Variants in TRAPPC9 observed in about 807,000 individuals in gnomAD.
The protein encoded by TRAPPC9 is IKK2 binding protein.
A neutral mutation model predicts 124.0 loss-of-function variants in TRAPPC9; 83 were observed. The observed-to-expected ratio is 0.67, with a 90% confidence interval of 0.56 to 0.80. The LOEUF is 0.80. Ranked by LOEUF, TRAPPC9 falls within the 30% of genes least tolerant of loss-of-function variation. The probability of loss-of-function intolerance (pLI) is 0.00; values close to 1 mark genes in which losing one functional copy is unlikely to be tolerated. For synonymous variants in TRAPPC9, 638 were observed against 617.5 expected, an observed-to-expected ratio of 1.03 and a Z score of -0.49; for missense variants, 1,302 against 1,508.3, an observed-to-expected ratio of 0.86 and a Z score of 2.27.
At chr8:140,098,677 G>C (rs2060505410) in intron 17 of TRAPPC9, 1 of 148,990 alleles carries the variant, frequency 6.7e-6, no homozygotes, top group Non-Finnish European at 1.5e-5. Flanking sequence ...ACAAAGTAAC[G>C]ACGCCTCCTC....
rs149299580 is a variant in TRAPPC9, at chr8:140,364,630, G to A, written c.1352-4437C>T. ...CGGAGTCTCGCTGTCACCCAGGCTC[G>A]AGTGCAGTGGTGCATTCTCGGCTCA... is the stretch of plus-strand genomic sequence containing the variant. On this transcript the variant is annotated intron_variant, in intron 8 of 22. Transcript: ENST00000438773. 3.6e-3 allele frequency among the ~76,000 whole-genome samples: 546 copies of A among 151,940 alleles called. 5 individuals are homozygous for A. Among genetic ancestry groups the A allele is most frequent in the African/African-American group, 0.012 (514 of 41,434 alleles).
intron 17 of TRAPPC9, among the ~76,000 whole-genome samples, chr8:140,168,212 A>G (rs996532869): frequency 2.0e-5 from 3 of 152,236 alleles, no homozygotes; most frequent in African/African-American, 7.2e-5. Flanking sequence ...ATCATTTCAA[A>G]GTGATCAGGA....
rs145043820 is a variant in TRAPPC9 at position 139,840,822 on chromosome 8, G to A, written c.3055+45057C>T. On this transcript the variant is annotated intron_variant, in intron 21 of 22. Coordinates refer to ENST00000438773, the MANE Select transcript of TRAPPC9 (RefSeq NM_001160372.4). ...ACCAAGGCCTGGCTGCCTCTGGTAGGCTTGTCCTTCCCTTGTGCCCATGAA... is the reference window on the plus strand; with the variant it reads ...ACCAAGGCCTGGCTGCCTCTGGTAGACTTGTCCTTCCCTTGTGCCCATGAA... Among the ~76,000 whole-genome samples, 25 of 152,316 alleles carry A rather than the reference G, an allele frequency of 1.6e-4. No individual in the cohort carries two copies. In the East Asian group the frequency reaches 3.3e-3, roughly 20 times the overall value.
intron 19 of TRAPPC9, among the ~76,000 whole-genome samples, chr8:139,947,909 G>T (rs1250188064): frequency 0.23 from 10,186 of 44,404 alleles, 1,335 homozygotes; most frequent in Admixed American, 0.35. Context: ...TATATATATA[G>T]AGAGAGAGAG....
At chr8:140,265,439 A>G (rs1427331904) in intron 15 of TRAPPC9, among the ~76,000 whole-genome samples, 1 of 152,210 alleles carries the variant, frequency 6.6e-6, no homozygotes, top group Non-Finnish European at 1.5e-5. Context: ...GGAAATTCAC[A>G]GTGCAGAGAT....
In TRAPPC9 at chr8:139,728,885, TAA is replaced by T. The variant is rs1554631228; in HGVS notation, c.*2174_*2175del. The stretch of plus-strand genomic sequence containing the variant: ...GGGTATTTTTTGCAGTTTGGGAAAC[TAA>T]AAAATATAGAAAACTGCAAGAAATA... On this transcript the variant is annotated 3_prime_UTR_variant, in exon 23 of 23. Transcript: ENST00000438773. Among the ~76,000 whole-genome samples, 2 of 152,200 alleles carry T rather than the reference TAA, an allele frequency of 1.3e-5. No homozygotes were observed. Among genetic ancestry groups the T allele is most frequent in the Non-Finnish European group, 2.9e-5 (2 of 68,030 alleles).
chr8:140,285,595 C>T (rs577605600), intron 13 of TRAPPC9, among the ~76,000 whole-genome samples: 2 of 152,304 alleles, frequency 1.3e-5, no homozygotes, highest in South Asian at 4.1e-4. Flanking sequence ...TCATCTCTGC[C>T]ACCCTGGCCT....
chr8:140,139,003 C>T (rs992791047), intron 17 of TRAPPC9, among the ~76,000 whole-genome samples: 2 of 152,028 alleles, frequency 1.3e-5, no homozygotes, highest in African/African-American at 4.8e-5. Flanking sequence ...TAATGCTCAG[C>T]GAATTGGGAG....
intron 9 of TRAPPC9, among the ~76,000 whole-genome samples, chr8:140,337,586 G>A (rs528056477): frequency 4.6e-4 from 70 of 152,310 alleles, no homozygotes; most frequent in Middle Eastern, 3.4e-3. Context: ...AACGGACTGC[G>A]ACTCATCCAG....
chr8:140,303,847 C>T (rs989842688), intron 10 of TRAPPC9, among the ~76,000 whole-genome samples: 1 of 152,132 alleles, frequency 6.6e-6, no homozygotes, highest in East Asian at 1.9e-4. Flanking sequence ...CTAAGAAAGG[C>T]CTCAAGGGAA....
At chr8:139,978,544 G>A (rs1836646104) in intron 19 of TRAPPC9, among the ~76,000 whole-genome samples, 2 of 152,206 alleles carry the variant, frequency 1.3e-5, no homozygotes, top group Admixed American at 1.3e-4. Context: ...GAGGAAATGG[G>A]GAAATAGGTA....
chr8:140,333,455 C>A (rs968271068), intron 9 of TRAPPC9, among the ~76,000 whole-genome samples: 8 of 152,144 alleles, frequency 5.3e-5, no homozygotes, highest in Non-Finnish European at 1.2e-4. Flanking sequence ...TGCAATGGTG[C>A]GATCTCAGCT....
intron 17 of TRAPPC9, among the ~76,000 whole-genome samples, chr8:140,199,022 C>T (rs937003719): frequency 3.3e-5 from 5 of 152,126 alleles, no homozygotes; most frequent in Non-Finnish European, 7.3e-5. Flanking sequence ...GCGGGGAGTG[C>T]GGGACTCCTG....
intron 18 of TRAPPC9, 104 bp downstream of exon 18, chr8:140,023,833 G>T: frequency 2.6e-6 from 4 of 1,562,234 alleles, no homozygotes; most frequent in Non-Finnish European, 3.5e-6. Flanking sequence ...CCCATGGCAC[G>T]GATCTGACGG....
chr8:140,081,589 G>C (rs186846998), intron 17 of TRAPPC9, among the ~76,000 whole-genome samples: 1 of 152,022 alleles, frequency 6.6e-6, no homozygotes, highest in African/African-American at 2.4e-5. Flanking sequence ...CAGGTGATCC[G>C]CCCACCTCAG....
chr8:140,263,451 G>A (rs1281850092), intron 15 of TRAPPC9, among the ~76,000 whole-genome samples: 6 of 152,166 alleles, frequency 3.9e-5, no homozygotes, highest in South Asian at 2.1e-4. Flanking sequence ...TTCCCTGAAC[G>A]CTGGGCTAAG....
chr8:140,320,389 C>T (rs565602595), intron 9 of TRAPPC9, among the ~76,000 whole-genome samples: 18 of 152,284 alleles, frequency 1.2e-4, no homozygotes, highest in Admixed American at 5.2e-4. Flanking sequence ...TTTTTAGAAA[C>T]TGAAATTCCT....
At chr8:140,043,082 C>CT (rs1841369971) in intron 17 of TRAPPC9, among the ~76,000 whole-genome samples, 2 of 152,344 alleles carry the variant, frequency 1.3e-5, no homozygotes, top group South Asian at 4.1e-4. Flanking sequence ...CCCACTCTCC[C>CT]TGCCTGATGA....
chr8:140,269,279 T>A (rs1285689473), intron 15 of TRAPPC9, among the ~76,000 whole-genome samples: 1 of 152,096 alleles, frequency 6.6e-6, no homozygotes, highest in Non-Finnish European at 1.5e-5. Context: ...CAGTGGCTCA[T>A]GCCTGTAATC....
Sources: gnomAD v4.1 joint callset for allele counts (sites outside exome capture counted in the v4.1 genomes callset) on GRCh38, gnomAD v4.1.1 for gene constraint, MANE v1.5 for transcripts, NCBI Gene and HGNC (gene_info 2026-07-23, HGNC 2026-07-21) for gene names.